The following KCNIP4 variants were observed in gnomAD, a reference collection of about 807,000 sequenced individuals.
KCNIP4 encodes Kv channel-interacting protein 4.
Under a neutral mutation model 34.0 loss-of-function variants are expected in KCNIP4, and 12 were observed. The ratio of observed to expected loss-of-function variants is 0.35; its 90% CI spans 0.23 to 0.57. KCNIP4 has a LOEUF of 0.57. KCNIP4 is among the 20% of genes least tolerant of loss of function. The probability of loss-of-function intolerance (pLI) is 0.83; values close to 1 mark genes in which losing one functional copy is unlikely to be tolerated. For synonymous variants in KCNIP4, 124 were observed against 102.2 expected (o/e 1.21, Z -1.29); for missense variants, 238 against 311.7 (o/e 0.76, Z 1.78).
intron 5 of KCNIP4, among the ~76,000 whole-genome samples, chr4:20,735,142 T>C (rs1366632515): frequency 6.6e-6 from 1 of 152,234 alleles, no homozygotes; most frequent in African/African-American, 2.4e-5. Context: ...GAAATGTGGC[T>C]GTCCATAAAA....
intron 3 of KCNIP4, among the ~76,000 whole-genome samples, chr4:20,807,393 C>T (rs1436966548): frequency 6.6e-6 from 1 of 152,062 alleles, no homozygotes; most frequent in Non-Finnish European, 1.5e-5. Flanking sequence ...TCCAGTGATT[C>T]TACAAGAGGG....
rs539829013 is a variant in KCNIP4, at chr4:20,965,211, T to G, written c.62-82502A>C. Among the ~76,000 whole-genome samples the G allele has an allele frequency of 5.9e-5, 9 of 152,324 alleles. 1 individual carries two copies. The highest frequency in any genetic ancestry group is 1.9e-4 in the African/African-American group (8 of 41,574). On this transcript the variant is annotated intron_variant, in intron 1 of 8. Coordinates refer to ENST00000382152, the MANE Select transcript of KCNIP4 (RefSeq NM_025221.6). ...AAATAGAAGTATTCACTGTCTATCC[T>G]ATATTCCTGCCAATATCTGGGAGTG...
intron 1 of KCNIP4, among the ~76,000 whole-genome samples, chr4:21,020,708 A>G (rs1739955428): frequency 6.6e-6 from 1 of 152,208 alleles, no homozygotes; most frequent in Non-Finnish European, 1.5e-5. Context: ...TTCATGATCA[A>G]GATTATAAGG....
rs2109439476 is a variant in KCNIP4 at position 21,371,096 on chromosome 4, G to T, written c.62-488387C>A. On this transcript the variant is annotated intron_variant, in intron 1 of 8. Coordinates refer to ENST00000382152, the MANE Select transcript of KCNIP4 (RefSeq NM_025221.6). ...GGTCAAATAGGGCAATTCAGCCAGA[G>T]ATTAAATTAGAGGTGTATAGGAACC... Among the ~76,000 whole-genome samples the T allele has an allele frequency of 2.8e-5, 4 of 142,584 alleles. 1 individual carries two copies. The East Asian group carries it at 8.4e-4, about 30-fold the overall frequency. 93.5% of individuals were successfully genotyped at this position (142,584 alleles called of 152,430 possible).
At position 20,866,164 on chromosome 4, in the gene KCNIP4, A is replaced by G. The variant is rs1002377231; in HGVS notation, c.164-15497T>C. Reference sequence around the variant, plus strand: ...CCTCCCTAACTCATTCTATGAAGCCAGCATCACCCTGATACCAAACTCTGG... The same window carrying G: ...CCTCCCTAACTCATTCTATGAAGCCGGCATCACCCTGATACCAAACTCTGG... On this transcript the variant is annotated intron_variant, in intron 2 of 8. Transcript: ENST00000382152. Among the ~76,000 whole-genome samples, 12 of 152,188 alleles carry G rather than the reference A, an allele frequency of 7.9e-5. 1 individual carries two copies. The highest frequency in any genetic ancestry group is 7.9e-4 in the Admixed American group (12 of 15,242).
intron 1 of KCNIP4, among the ~76,000 whole-genome samples, chr4:20,967,674 T>C (rs1207604044): frequency 1.3e-5 from 2 of 152,152 alleles, no homozygotes; most frequent in East Asian, 1.9e-4. Flanking sequence ...AAACAAGCAA[T>C]GGGGAAGGGA....
At chr4:21,100,078 A>G (rs1475901165) in intron 1 of KCNIP4, among the ~76,000 whole-genome samples, 1 of 152,224 alleles carries the variant, frequency 6.6e-6, no homozygotes. Flanking sequence ...TGAAGTGACT[A>G]CAAAGGATTT....
chr4:21,871,737 C>T (rs910802371), intron 1 of KCNIP4, among the ~76,000 whole-genome samples: 1 of 151,922 alleles, frequency 6.6e-6, no homozygotes, highest in African/African-American at 2.4e-5. Context: ...AGCAAGAATC[C>T]TGTTAGGCCA....
At chr4:21,406,457 C>A (rs997915935) in intron 1 of KCNIP4, among the ~76,000 whole-genome samples, 1 of 152,098 alleles carries the variant, frequency 6.6e-6, no homozygotes, top group Admixed American at 6.6e-5. Flanking sequence ...CCATCACCCA[C>A]GGGCAAAAAG....
At chr4:20,954,227 A>G (rs1733072744) in intron 1 of KCNIP4, among the ~76,000 whole-genome samples, 1 of 152,166 alleles carries the variant, frequency 6.6e-6, no homozygotes, top group African/African-American at 2.4e-5. Flanking sequence ...CACACCTTCT[A>G]AGGTGTTCAA....
chr4:21,234,201 A>T (rs1307186444), intron 1 of KCNIP4, among the ~76,000 whole-genome samples: 1 of 84,192 alleles, frequency 1.2e-5, no homozygotes, highest in Non-Finnish European at 1.9e-5. Context: ...TATATATAAC[A>T]TATATAACGT....
intron 1 of KCNIP4, among the ~76,000 whole-genome samples, chr4:21,741,184 A>G (rs1288575507): frequency 6.6e-6 from 1 of 152,100 alleles, no homozygotes; most frequent in East Asian, 1.9e-4. Context: ...TTCCATTTTT[A>G]TGAAGGAGGT....
At chr4:21,173,720 G>A (rs528627870) in intron 1 of KCNIP4, among the ~76,000 whole-genome samples, 2 of 152,298 alleles carry the variant, frequency 1.3e-5, no homozygotes, top group East Asian at 3.9e-4. Context: ...GCTCTCTGCA[G>A]CAAGCCGTGG....
chr4:21,502,745 C>T (rs1392692625), intron 1 of KCNIP4, among the ~76,000 whole-genome samples: 1 of 152,112 alleles, frequency 6.6e-6, no homozygotes, highest in Non-Finnish European at 1.5e-5. Flanking sequence ...GACTTGAGAG[C>T]TGGAATAATT....
At chr4:21,333,076 C>T (rs1715814815) in intron 1 of KCNIP4, among the ~76,000 whole-genome samples, 1 of 151,968 alleles carries the variant, frequency 6.6e-6, no homozygotes, top group Admixed American at 6.6e-5. Flanking sequence ...GCATTTGGAC[C>T]TCTGTTCATA....
intron 1 of KCNIP4, among the ~76,000 whole-genome samples, chr4:21,310,730 C>T (rs1713062908): frequency 6.6e-6 from 1 of 152,046 alleles, no homozygotes; most frequent in African/African-American, 2.4e-5. Context: ...CTCCGAGGTT[C>T]AAGCCATTCT....
At chr4:21,888,994 A>G (rs1324633327) in intron 1 of KCNIP4, among the ~76,000 whole-genome samples, 1 of 152,176 alleles carries the variant, frequency 6.6e-6, no homozygotes, top group African/African-American at 2.4e-5. Flanking sequence ...ACATGACACA[A>G]TGACAAGTTA....
intron 1 of KCNIP4, among the ~76,000 whole-genome samples, chr4:21,122,424 C>T (rs901156508): frequency 2.7e-5 from 4 of 149,184 alleles, no homozygotes; most frequent in Non-Finnish European, 4.4e-5. Flanking sequence ...ACAATGTAGC[C>T]TAAAGAAAGT....
intron 1 of KCNIP4, among the ~76,000 whole-genome samples, chr4:21,758,495 T>G (rs1560692814): frequency 1.3e-5 from 2 of 152,150 alleles, no homozygotes; most frequent in Non-Finnish European, 2.9e-5. Context: ...CAAGATGCAT[T>G]TTCACTTCCT....
Sources: gnomAD v4.1 joint callset for allele counts (sites outside exome capture counted in the v4.1 genomes callset) on GRCh38, gnomAD v4.1.1 for gene constraint, MANE v1.5 for transcripts, NCBI Gene and HGNC (gene_info 2026-07-23, HGNC 2026-07-21) for gene names.